The following CEP295 variants were observed in gnomAD, a reference collection of about 807,000 sequenced individuals.
The protein encoded by CEP295 is centrosomal protein 295.
CEP295 carries 190 observed loss-of-function variants against 291.6 expected under a neutral mutation model. That is an observed-to-expected ratio of 0.65 (90% CI 0.58 to 0.73). The LOEUF is 0.73. CEP295 is among the 30% of genes least tolerant of loss of function. The pLI is 0.00. For missense variants in CEP295, 2,863 were observed against 2,949.4 expected (o/e 0.97, Z 0.68); for synonymous variants, 993 against 1,038.8 (o/e 0.96, Z 0.85).
At chr11:93,725,988 C>T (rs899509810) in intron 23 of CEP295, among the ~76,000 whole-genome samples, 157 bp downstream of exon 23, 4 of 152,294 alleles carry the variant, frequency 2.6e-5, no homozygotes, top group Non-Finnish European at 4.4e-5. Context: ...GTAATACATG[C>T]ATTTTTTTAA....
intron 13 of CEP295, 61 bp downstream of exon 13, chr11:93,695,695 G>A (rs1401343304): frequency 1.4e-6 from 2 of 1,467,362 alleles, no homozygotes; most frequent in Admixed American, 3.0e-5. Flanking sequence ...AAGAAAATAT[G>A]AGCACTTGTA....
chr11:93,696,289 C>T, intron 13 of CEP295, 31 bp from the exon 14 acceptor site: 1 of 1,383,338 alleles, frequency 7.2e-7, no homozygotes, highest in South Asian at 1.3e-5. Context: ...TCTAAATTTG[C>T]TTTTTAATTA....
chr11:93,711,051 A>T (rs562571454), intron 18 of CEP295, among the ~76,000 whole-genome samples: 1 of 151,902 alleles, frequency 6.6e-6, no homozygotes, highest in African/African-American at 2.4e-5. Flanking sequence ...CATAAAACCA[A>T]TTTTTGTTTT....
rs1221067028 is a variant in CEP295, at chr11:93,702,567, T to C, written c.5382T>C (p.Ile1794=). 6.4e-7 allele frequency: 1 copy of C among 1,551,344 alleles called. No homozygotes were observed. Among genetic ancestry groups the C allele is most frequent in the East Asian group, 2.4e-5 (1 of 40,886 alleles). ...QDLAGNDQEN[I]RHADRNNSDD... is the part of the protein sequence containing the mutation. ...TAGCAGGAAATGATCAAGAAAATAT[T>C]AGGCATGCAGATAGGAACAACTCTG... Residue 1794 remains isoleucine, a synonymous_variant, in exon 16 of 30, where the codon ATT becomes ATC. Transcript: ENST00000325212.
chr11:93,674,080 A>T (rs1950575049), intron 5 of CEP295, among the ~76,000 whole-genome samples: 1 of 151,802 alleles, frequency 6.6e-6, no homozygotes, highest in South Asian at 2.1e-4. Context: ...ATCTTGCCTC[A>T]GCCTCCCTAG....
rs1248395902 is a variant in CEP295 at position 93,668,839 on chromosome 11, C to T, written c.341C>T (p.Ala114Val). ...EPDLDALAQR[A>V]AERKRKADLR... ...GATTTGGATGCTTTGGCACAGCGGG[C>T]AGCAGAAAGGAAAAGAAAAGCAGAT... Residue 114 changes from alanine (A) to valine (V), a missense_variant, in exon 4 of 30, where the codon GCA becomes GTA. Ala to Val is a moderately conservative substitution (Grantham distance 64). Coordinates refer to ENST00000325212, the MANE Select transcript of CEP295 (RefSeq NM_033395.2). 6 of 1,525,674 alleles carry T rather than the reference C, an allele frequency of 3.9e-6. No homozygotes were observed. Among genetic ancestry groups the T allele is most frequent in the Non-Finnish European group, 5.3e-6 (6 of 1,135,280 alleles). The allele number at this position is 1,525,674 out of a possible 1,614,324, so 94.5% of individuals were successfully genotyped here.
At chr11:93,728,541 G>A in intron 24 of CEP295, 140 bp from the exon 25 acceptor site, 1 of 596,314 alleles carries the variant, frequency 1.7e-6, no homozygotes, top group African/African-American at 1.9e-5. Context: ...TGATCTGTTG[G>A]TCTTTGCCAA....
In CEP295 at chr11:93,729,975, GTTAA is replaced by G. The variant is rs768757907; in HGVS notation, c.7667+9_7667+12del. ...AGGCACCAAAGGGGTCTAAGGTAGG[GTTAA>G]TTTTTTTTTTTTTTTTAGTGATTCA... On this transcript the variant is annotated splice_region_variant and intron_variant, in intron 28 of 29. Transcript: ENST00000325212. 1.5e-3 allele frequency: 2,260 copies of G among 1,472,820 alleles called. 21 individuals are homozygous for G. In the African/African-American group the frequency reaches 0.03, roughly 19 times the overall value. The allele number at this position is 1,472,820 out of a possible 1,614,324, so 91.2% of individuals were successfully genotyped here.
intron 6 of CEP295, among the ~76,000 whole-genome samples, chr11:93,676,340 T>C (rs745862149): frequency 1.7e-4 from 26 of 152,038 alleles, no homozygotes; most frequent in Non-Finnish European, 3.5e-4. Flanking sequence ...TATTATGTTT[T>C]AAAAATTATT....
intron 10 of CEP295, 116 bp downstream of exon 10, chr11:93,687,981 A>T (rs1951328726): frequency 1.6e-6 from 1 of 615,488 alleles, no homozygotes. Context: ...AATCCTGCTA[A>T]TTAAAAGCAA....
chr11:93,663,297 C>T (rs1161803605), intron 1 of CEP295, among the ~76,000 whole-genome samples: 1 of 152,192 alleles, frequency 6.6e-6, no homozygotes, highest in Non-Finnish European at 1.5e-5. Context: ...TGTTACTTCC[C>T]TCCATTCAGT....
At position 93,683,959 on chromosome 11, in the gene CEP295, T is replaced by C. The variant is rs1354682638; in HGVS notation, c.950-5T>C. 2.0e-6 allele frequency: 3 copies of C among 1,537,824 alleles called. No homozygotes were observed. The South Asian group carries it at 3.7e-5, about 19-fold the overall frequency. On this transcript the variant is annotated splice_region_variant and splice_polypyrimidine_tract_variant and intron_variant, in intron 8 of 29. Transcript: ENST00000325212. The stretch of plus-strand genomic sequence containing the variant: ...GGAAACGTGTCTCTATTTTTCTTTT[T>C]TAAGAGGTGAAAGGGAATCTGATTC...
chr11:93,728,735 A>T lies in CEP295; in HGVS notation c.7216A>T (p.Thr2406Ser). The T allele has an allele frequency of 6.4e-7, 1 of 1,550,644 alleles. No individual in the cohort carries two copies. The highest frequency in any genetic ancestry group is 8.7e-7 in the Non-Finnish European group (1 of 1,146,600). Residue 2406 changes from threonine to serine, a missense_variant, in exon 25 of 30, where the codon ACC becomes TCC. Transcript: ENST00000325212. Reference protein sequence around the residue: ...MEEPELTLISTTDTSIAEMDF... With the variant: ...MEEPELTLISSTDTSIAEMDF... ...AGAACCAGAACTTACTTTAATAAGC[A>T]CCACTGATACCAGTATTGCTGAAAT...
At chr11:93,669,629 T>C in intron 4 of CEP295, 48 bp from the exon 5 acceptor site, 1 of 1,237,298 alleles carries the variant, frequency 8.1e-7, no homozygotes, top group Non-Finnish European at 1.2e-6. Flanking sequence ...TGTTGTACTA[T>C]AATATTATCA....
intron 18 of CEP295, among the ~76,000 whole-genome samples, chr11:93,709,194 G>T (rs1467327212): frequency 1.3e-5 from 2 of 152,136 alleles, no homozygotes; most frequent in Non-Finnish European, 2.9e-5. Flanking sequence ...CTGTGCTTGT[G>T]GGGTATTGCT....
intron 17 of CEP295, among the ~76,000 whole-genome samples, chr11:93,705,920 A>G (rs1363711375): frequency 6.6e-6 from 1 of 152,198 alleles, no homozygotes; most frequent in Non-Finnish European, 1.5e-5. Flanking sequence ...TAAGCTTGAT[A>G]TAAGCCTGGC....
At chr11:93,711,427 CT>C (rs1476764158) in intron 18 of CEP295, among the ~76,000 whole-genome samples, 1 of 152,166 alleles carries the variant, frequency 6.6e-6, no homozygotes, top group Non-Finnish European at 1.5e-5. Flanking sequence ...TATCTTGTTA[CT>C]GATTTCTAGT....
rs115175440 is a variant in CEP295 at position 93,683,797 on chromosome 11, A to G, written c.949+55A>G. 2.3e-3 allele frequency: 3,355 copies of G among 1,489,360 alleles called. 98 individuals carry two copies. In the East Asian group the frequency reaches 0.069, roughly 30 times the overall value. 92.3% of individuals were successfully genotyped at this position (1,489,360 alleles called of 1,614,324 possible). Reference sequence around the variant, plus strand: ...GTGATTTTATACGTTTTGGTGGGAAAATATGTTTGTAATGATAAAGCAGTT... The same window carrying G: ...GTGATTTTATACGTTTTGGTGGGAAGATATGTTTGTAATGATAAAGCAGTT... On this transcript the variant is annotated intron_variant, in intron 8 of 29. Coordinates refer to ENST00000325212, the MANE Select transcript of CEP295 (RefSeq NM_033395.2).
At chr11:93,669,529 G>T in intron 4 of CEP295, 148 bp from the exon 5 acceptor site, 2 of 513,122 alleles carry the variant, frequency 3.9e-6, no homozygotes, top group Non-Finnish European at 7.0e-6. Context: ...CTTAACATAT[G>T]TATAGACTCT....
Sources: allele counts gnomAD v4.1 joint callset (sites outside exome capture counted in the v4.1 genomes callset), GRCh38; gene constraint gnomAD v4.1.1; transcripts MANE v1.5; gene names NCBI Gene and HGNC (gene_info 2026-07-23, HGNC 2026-07-21).